Variants in LRP12 observed in about 807,000 individuals in gnomAD.
The protein encoded by LRP12 is low-density lipoprotein receptor-related protein 12.
A neutral mutation model predicts 66.0 loss-of-function variants in LRP12; 14 were observed. The ratio of observed to expected loss-of-function variants is 0.21; its 90% confidence interval spans 0.14 to 0.33. The LOEUF (loss-of-function observed/expected upper bound fraction) is 0.33, where lower values mean the gene tolerates loss of function less well. LRP12 is among the 10% of genes least tolerant of loss of function. The pLI is 1.00. For synonymous variants in LRP12, 357 were observed against 359.1 expected (o/e 0.99, Z 0.07); for missense variants, 889 against 1,053.4 (o/e 0.84, Z 2.16).
chr8:104,574,020 A>G lies in LRP12; in HGVS notation c.79+14799T>C, dbSNP rs1158395235. Among the ~76,000 whole-genome samples, 3 of 152,134 alleles carry G rather than the reference A, an allele frequency of 2.0e-5. No homozygotes were observed. In the East Asian group the frequency reaches 5.8e-4, roughly 29 times the overall value. ...TCAACATTAGGAATCACATAAATGT[A>G]ATTTACTCCATTTATAGATAGATGA... On this transcript the variant is annotated intron_variant, in intron 1 of 6. Coordinates refer to ENST00000276654, the MANE Select transcript of LRP12 (RefSeq NM_013437.5).
chr8:104,492,277 C>A (rs542519326), intron 6 of LRP12, among the ~76,000 whole-genome samples: 4 of 152,188 alleles, frequency 2.6e-5, no homozygotes, highest in Non-Finnish European at 5.9e-5. Flanking sequence ...TCTTTGAAAA[C>A]TAGTTAGCTG....
chr8:104,551,105 G>C (rs1811718143), intron 1 of LRP12, among the ~76,000 whole-genome samples: 1 of 151,918 alleles, frequency 6.6e-6, no homozygotes, highest in Non-Finnish European at 1.5e-5. Context: ...TATATATTTT[G>C]GATTCAGCAC....
intron 2 of LRP12, among the ~76,000 whole-genome samples, chr8:104,526,069 C>T (rs1379162726): frequency 6.6e-6 from 1 of 152,158 alleles, no homozygotes; most frequent in Non-Finnish European, 1.5e-5. Context: ...CATGAGCGAA[C>T]TCCCATTCAC....
At chr8:104,571,427 G>A (rs1451271184) in intron 1 of LRP12, among the ~76,000 whole-genome samples, 1 of 152,148 alleles carries the variant, frequency 6.6e-6, no homozygotes, top group African/African-American at 2.4e-5. Flanking sequence ...GGAGAGATCA[G>A]GTGGAGGTAA....
intron 1 of LRP12, among the ~76,000 whole-genome samples, chr8:104,576,448 A>G (rs1812166524): frequency 1.3e-5 from 2 of 152,336 alleles, no homozygotes; most frequent in Non-Finnish European, 1.5e-5. Flanking sequence ...GCCAGAAGAG[A>G]CTGGGGGCCA....
chr8:104,550,414 C>A (rs1811708431), intron 1 of LRP12, among the ~76,000 whole-genome samples: 1 of 152,102 alleles, frequency 6.6e-6, no homozygotes, highest in Non-Finnish European at 1.5e-5. Flanking sequence ...AGGTGTTAGT[C>A]CAATTTTTAC....
intron 1 of LRP12, among the ~76,000 whole-genome samples, chr8:104,550,365 C>T (rs186904176): frequency 3.9e-5 from 6 of 152,248 alleles, no homozygotes; most frequent in Middle Eastern, 3.4e-3. Context: ...GGAATTTCCA[C>T]GTTTCAGTAC....
intron 1 of LRP12, among the ~76,000 whole-genome samples, chr8:104,571,718 C>G (rs1812083314): frequency 6.6e-6 from 1 of 152,222 alleles, no homozygotes; most frequent in African/African-American, 2.4e-5. Flanking sequence ...TAATGCACCA[C>G]CTGAGGTCCA....
rs528821501 is a variant in LRP12 at position 104,560,433 on chromosome 8, T to C, written c.79+28386A>G. On this transcript the variant is annotated intron_variant, in intron 1 of 6. Coordinates refer to ENST00000276654, the MANE Select transcript of LRP12 (RefSeq NM_013437.5). The stretch of plus-strand genomic sequence containing the variant: ...TACATTGACAAAGAAACCAAGGAAT[T>C]AGGGCATTTAAAAGAGAGGTTGGTA... Among the ~76,000 whole-genome samples, 20 of 152,050 alleles carry C rather than the reference T, an allele frequency of 1.3e-4. No homozygotes were observed. The South Asian group carries it at 1.7e-3, about 13-fold the overall frequency.
At chr8:104,588,738 G>T in intron 1 of LRP12, 81 bp downstream of exon 1, 1 of 1,254,818 alleles carries the variant, frequency 8.0e-7, no homozygotes, top group Non-Finnish European at 1.1e-6. Context: ...GTCTCCAGGG[G>T]AACCCCCGTC....
At chr8:104,564,795 T>C (rs995123804) in intron 1 of LRP12, among the ~76,000 whole-genome samples, 2 of 151,848 alleles carry the variant, frequency 1.3e-5, no homozygotes, top group African/African-American at 4.8e-5. Flanking sequence ...TAGCTGGGCA[T>C]GGTGGCACAC....
chr8:104,491,626 GT>G, intron 6 of LRP12, 87 bp from the exon 7 acceptor site: 1 of 1,102,082 alleles, frequency 9.1e-7, no homozygotes. Flanking sequence ...TTAAGAATGT[GT>G]TGTGGTTAAA....
chr8:104,588,727 A>C (rs1486826485), intron 1 of LRP12, 92 bp downstream of exon 1: 2 of 1,052,848 alleles, frequency 1.9e-6, no homozygotes, highest in Admixed American at 4.7e-5. Context: ...TCTCCGCGGG[A>C]GTCTCCAGGG....
At position 104,489,917 on chromosome 8, in the gene LRP12, T is replaced by C. The variant is rs947347614; in HGVS notation, c.*756A>G. The C allele has an allele frequency of 1.3e-5, 2 of 152,640 alleles. No homozygotes were observed. The highest frequency in any genetic ancestry group is 2.9e-5 in the Non-Finnish European group (2 of 68,030). 9.5% of individuals were successfully genotyped at this position (152,640 alleles called of 1,614,324 possible). ...ATGTTTTATAAAGTTCAAGATTTAA[T>C]GCATAGTAGAATATCTTCATCCACT... On this transcript the variant is annotated 3_prime_UTR_variant, in exon 7 of 7. Coordinates refer to ENST00000276654, the MANE Select transcript of LRP12 (RefSeq NM_013437.5).
At position 104,490,803 on chromosome 8, in the gene LRP12, A is replaced by T. The variant is rs1034019252; in HGVS notation, c.2450T>A (p.Val817Glu). Residue 817 changes from valine (V) to glutamate (E), a missense_variant, in exon 7 of 7, where the codon GTA (valine) becomes GAA (glutamate). By Grantham distance (121) the Val-to-Glu change is moderately radical (BLOSUM62 -2). Around this residue, in one of 3 missense-constraint regions of LRP12, gnomAD observed 800 missense variants for 964.5 expected, o/e 0.83. Transcript: ENST00000276654. ...GGGGCCATCTCGATTACTTGGCCTT[A>T]CTCCAGGATTTGTTGCATTATATGG... is the stretch of plus-strand genomic sequence containing the variant. ...RQPYNATNPGVRPSNRDGPCE... is the reference protein window; with the variant it reads ...RQPYNATNPGERPSNRDGPCE... 1 of 1,613,994 alleles carries T rather than the reference A, an allele frequency of 6.2e-7. No individual in the cohort carries two copies. Among genetic ancestry groups the T allele is most frequent in the South Asian group, 1.1e-5 (1 of 91,074 alleles).
intron 1 of LRP12, among the ~76,000 whole-genome samples, chr8:104,549,557 C>T (rs752068137): frequency 5.9e-5 from 9 of 151,890 alleles, no homozygotes; most frequent in Admixed American, 3.3e-4. Context: ...CGCCTGCCAC[C>T]GCACCTGGCT....
At position 104,521,247 on chromosome 8, in the gene LRP12, G is replaced by A. The variant is rs192527757; in HGVS notation, c.136+10660C>T. On this transcript the variant is annotated intron_variant, in intron 2 of 6. Coordinates refer to ENST00000276654, the MANE Select transcript of LRP12 (RefSeq NM_013437.5). Reference sequence around the variant, plus strand: ...GAGCATTTCCTTTGAGTGTTATGTCGTTGCTCAAAATGTTTTGGATTTTGG... The same window carrying A: ...GAGCATTTCCTTTGAGTGTTATGTCATTGCTCAAAATGTTTTGGATTTTGG... Among the ~76,000 whole-genome samples, 763 of 151,860 alleles carry A rather than the reference G, an allele frequency of 5.0e-3. 6 individuals are homozygous for A. Among genetic ancestry groups the A allele is most frequent in the Admixed American group, 0.012 (179 of 15,218 alleles).
chr8:104,571,243 C>T (rs1241426658), intron 1 of LRP12, among the ~76,000 whole-genome samples: 1 of 152,094 alleles, frequency 6.6e-6, no homozygotes, highest in African/African-American at 2.4e-5. Context: ...GAGTCCCTAA[C>T]CCCCAGGCTG....
intron 2 of LRP12, among the ~76,000 whole-genome samples, chr8:104,523,627 T>C (rs1024927798): frequency 6.6e-6 from 1 of 152,166 alleles, no homozygotes; most frequent in African/African-American, 2.4e-5. Context: ...CTCTGGTGGT[T>C]CTCGTGTATT....
Sources: allele counts gnomAD v4.1 joint callset (sites outside exome capture counted in the v4.1 genomes callset), GRCh38; gene constraint gnomAD v4.1.1; regional missense constraint gnomAD v4.1.1; transcripts MANE v1.5; gene names NCBI Gene and HGNC (gene_info 2026-07-23, HGNC 2026-07-21).